The following PARM1 variants were observed in gnomAD, a reference collection of about 807,000 sequenced individuals.
The protein encoded by PARM1 is prostate androgen-regulated mucin-like protein 1.
A neutral mutation model predicts 24.6 loss-of-function variants in PARM1; 14 were observed. The observed-to-expected ratio is 0.57, with a 90% CI of 0.38 to 0.89. The LOEUF is 0.89. Ranked by LOEUF, PARM1 falls within the 40% of genes least tolerant of loss-of-function variation. The pLI is 0.00. For synonymous variants in PARM1, 179 were observed against 156.6 expected (o/e 1.14, Z -1.07); for missense variants, 362 against 380.4 (o/e 0.95, Z 0.40).
intron 2 of PARM1, among the ~76,000 whole-genome samples, chr4:75,026,345 T>C (rs948996252): frequency 6.6e-6 from 1 of 152,244 alleles, no homozygotes; most frequent in Admixed American, 6.5e-5. Flanking sequence ...AAGCCACTGG[T>C]ATTACAGTGT....
chr4:74,971,913 A>G (rs1312859957), intron 1 of PARM1, among the ~76,000 whole-genome samples: 1 of 152,218 alleles, frequency 6.6e-6, no homozygotes, highest in Non-Finnish European at 1.5e-5. Context: ...GATTAGCTGG[A>G]TGGTGTCTGC....
intron 1 of PARM1, among the ~76,000 whole-genome samples, chr4:74,978,525 C>T (rs1465688920): frequency 6.6e-6 from 1 of 152,080 alleles, no homozygotes; most frequent in African/African-American, 2.4e-5. Context: ...GAGTTTAACA[C>T]CCTACTGTCA....
intron 1 of PARM1, among the ~76,000 whole-genome samples, chr4:74,973,105 G>A (rs531907724): frequency 3.6e-4 from 55 of 152,132 alleles, no homozygotes; most frequent in Non-Finnish European, 5.1e-4. Flanking sequence ...CACATGGGAG[G>A]TATTTAAATT....
chr4:74,977,784 C>T (rs1722167797), intron 1 of PARM1, among the ~76,000 whole-genome samples: 1 of 152,126 alleles, frequency 6.6e-6, no homozygotes, highest in Non-Finnish European at 1.5e-5. Context: ...GGAAACCCTA[C>T]AAGCAAAAAG....
rs1722889713 is a variant in PARM1, at chr4:75,012,534, A to G, written c.153A>G (p.Ala51=). 6.2e-7 allele frequency: 1 copy of G among 1,613,976 alleles called. No individual in the cohort carries two copies. The highest frequency in any genetic ancestry group is 8.5e-7 in the Non-Finnish European group (1 of 1,179,888). ...IWTSSPQNTD[A]DTASPSNGTH... ...CTAGCTCTCCACAAAACACTGATGC[A>G]GACACTGCCTCCCCATCCAACGGCA... Residue 51 remains alanine (A), a synonymous_variant, in exon 2 of 4, where the codon GCA becomes GCG. Coordinates refer to ENST00000307428, the MANE Select transcript of PARM1 (RefSeq NM_015393.4).
At chr4:75,029,235 G>A (rs1008173626) in intron 2 of PARM1, among the ~76,000 whole-genome samples, 2 of 152,184 alleles carry the variant, frequency 1.3e-5, no homozygotes, top group Admixed American at 1.3e-4. Flanking sequence ...CTTCCTCAGG[G>A]TTGTAGAGCA....
At chr4:74,953,121 C>T (rs529428313) in intron 1 of PARM1, among the ~76,000 whole-genome samples, 11 of 152,118 alleles carry the variant, frequency 7.2e-5, no homozygotes, top group African/African-American at 1.9e-4. Flanking sequence ...TAAGCATGGA[C>T]GTTTATTTGG....
intron 1 of PARM1, 88 bp from the exon 2 acceptor site, chr4:75,012,337 A>G: frequency 7.1e-7 from 1 of 1,410,018 alleles, no homozygotes; most frequent in Non-Finnish European, 9.7e-7. Context: ...AAAATGCTGT[A>G]AAACAGCTGT....
chr4:74,986,136 T>C (rs1017072019), intron 1 of PARM1, among the ~76,000 whole-genome samples: 1 of 152,182 alleles, frequency 6.6e-6, no homozygotes, highest in Non-Finnish European at 1.5e-5. Flanking sequence ...TGACAATGCA[T>C]AGAGTCTTTG....
intron 1 of PARM1, chr4:74,970,350 C>T (rs1722002180): frequency 6.6e-6 from 1 of 152,156 alleles, no homozygotes; most frequent in Admixed American, 6.6e-5. Context: ...TCCTTCTTTT[C>T]AAGTTTGAGG....
rs114938440 is a variant in PARM1 at position 74,934,836 on chromosome 4, G to A, written c.43+1466G>A. Among the ~76,000 whole-genome samples the A allele has an allele frequency of 5.2e-3, 785 of 152,298 alleles. 7 individuals are homozygous for A. The highest frequency in any genetic ancestry group is 0.018 in the African/African-American group (744 of 41,562). On this transcript the variant is annotated intron_variant, in intron 1 of 3. Transcript: ENST00000307428. ...TTGAGGTTCAGAAACCCTTGAGTGA[G>A]TCAGTAGAGAGGTTCGTTTGCAAAT... is the stretch of plus-strand genomic sequence containing the variant.
At chr4:74,997,931 G>A (rs1032281367) in intron 1 of PARM1, 1 of 152,218 alleles carries the variant, frequency 6.6e-6, no homozygotes. Flanking sequence ...ATTATTCTTT[G>A]AGTTGAGCTT....
rs200035210 is a variant in PARM1, at chr4:74,933,278, G to A, written c.-50G>A. 4 of 1,569,152 alleles carry A rather than the reference G, an allele frequency of 2.5e-6. No homozygotes were observed. Among genetic ancestry groups the A allele is most frequent in the Non-Finnish European group, 3.5e-6 (4 of 1,143,608 alleles). On this transcript the variant is annotated 5_prime_UTR_variant, in exon 1 of 4. Coordinates refer to ENST00000307428, the MANE Select transcript of PARM1 (RefSeq NM_015393.4). ...AGCGCCCAGTGCGCTCTGTCAGTCCGCAAACTCCTTGCCGCCCGCCCCGGG... is the reference window on the plus strand; with the variant it reads ...AGCGCCCAGTGCGCTCTGTCAGTCCACAAACTCCTTGCCGCCCGCCCCGGG...
chr4:74,976,809 C>T (rs1722145461), intron 1 of PARM1, among the ~76,000 whole-genome samples: 1 of 152,130 alleles, frequency 6.6e-6, no homozygotes, highest in African/African-American at 2.4e-5. Context: ...CGGGAGGGAC[C>T]CAGGTGAATA....
rs180865444 is a variant in PARM1, at chr4:75,006,939, C to A, written c.44-5486C>A. 3.6e-3 allele frequency among the ~76,000 whole-genome samples: 543 copies of A among 152,216 alleles called. 2 individuals are homozygous for A. The highest frequency in any genetic ancestry group is 5.9e-3 in the Non-Finnish European group (399 of 68,018). ...AACTACCATCAGAGTGAACAGGCAA[C>A]CTACATAATGGGAGAAAATTTTTGC... On this transcript the variant is annotated intron_variant, in intron 1 of 3. Coordinates refer to ENST00000307428, the MANE Select transcript of PARM1 (RefSeq NM_015393.4).
chr4:75,008,512 C>T (rs1469826247), intron 1 of PARM1, among the ~76,000 whole-genome samples: 1 of 152,214 alleles, frequency 6.6e-6, no homozygotes, highest in African/African-American at 2.4e-5. Flanking sequence ...CATCAGATAT[C>T]TTAAGTGGTA....
At chr4:74,992,338 A>G (rs1390794770) in intron 1 of PARM1, among the ~76,000 whole-genome samples, 2 of 152,196 alleles carry the variant, frequency 1.3e-5, no homozygotes, top group East Asian at 1.9e-4. Flanking sequence ...AAAATAAACA[A>G]AATAACAGAG....
chr4:74,995,791 C>G (rs1369043777), intron 1 of PARM1, among the ~76,000 whole-genome samples: 1 of 152,150 alleles, frequency 6.6e-6, no homozygotes, highest in African/African-American at 2.4e-5. Context: ...GTGTCCTCTT[C>G]CATCAATCAG....
chr4:75,012,681 A>G lies in PARM1; in HGVS notation c.300A>G (p.Thr100=), dbSNP rs1345913574. ...GCCCAGGTTCGAATTGGGAAGGCAC[A>G]AACACAGACCCCTCACCTTCTGGGT... ...ITSPGSNWEG[T]NTDPSPSGFS... The change falls in exon 2 of 4, where the codon ACA becomes ACG. Residue 100 remains threonine (T), a synonymous_variant. Transcript: ENST00000307428. 1 of 1,614,014 alleles carries G rather than the reference A, an allele frequency of 6.2e-7. No individual in the cohort carries two copies. Among genetic ancestry groups the G allele is most frequent in the African/African-American group, 1.3e-5 (1 of 75,054 alleles).
Sources: allele counts gnomAD v4.1 joint callset (sites outside exome capture counted in the v4.1 genomes callset), GRCh38; gene constraint gnomAD v4.1.1; transcripts MANE v1.5; gene names NCBI Gene and HGNC (gene_info 2026-07-23, HGNC 2026-07-21).